PREP: variants seen among roughly 807,000 people sequenced by gnomAD.
The protein encoded by PREP is prolyl endopeptidase, also known as dJ355L5.1 (prolyl endopeptidase).
A neutral mutation model predicts 87.6 loss-of-function variants in PREP; 29 were observed. The observed-to-expected ratio is 0.33, with a 90% CI of 0.25 to 0.45. The LOEUF is 0.45. Among genes scored for constraint, PREP ranks in the 20% least tolerant of loss-of-function variants. The pLI is 1.00. For missense variants in PREP, 695 were observed against 886.5 expected (o/e 0.78, Z 2.74); for synonymous variants, 337 against 328.6 (o/e 1.03, Z -0.28).
chr6:105,376,621 CT>C (rs780138509), intron 3 of PREP, among the ~76,000 whole-genome samples: 2 of 152,162 alleles, frequency 1.3e-5, no homozygotes, highest in Non-Finnish European at 2.9e-5. Context: ...GTTCTTTTCC[CT>C]AGCAAGGCTG....
chr6:105,333,261 T>C, intron 8 of PREP, 53 bp downstream of exon 8: 1 of 1,523,018 alleles, frequency 6.6e-7, no homozygotes, highest in Non-Finnish European at 9.1e-7. Context: ...ACTAACTTGT[T>C]GATGTTCTCA....
chr6:105,389,045 G>A (rs947743419), intron 2 of PREP, among the ~76,000 whole-genome samples: 2 of 152,130 alleles, frequency 1.3e-5, no homozygotes, highest in South Asian at 2.1e-4. Context: ...AAGGAAAATC[G>A]ACTTAGTTTT....
intron 5 of PREP, among the ~76,000 whole-genome samples, 179 bp downstream of exon 5, chr6:105,373,190 C>T (rs548845073): frequency 2.6e-5 from 4 of 152,330 alleles, no homozygotes; most frequent in African/African-American, 9.6e-5. Context: ...GTTTATTATT[C>T]TAAGCTACTA....
intron 6 of PREP, 109 bp from the exon 7 acceptor site, chr6:105,353,186 T>A: frequency 2.5e-6 from 2 of 806,408 alleles, no homozygotes; most frequent in Non-Finnish European, 3.9e-6. Flanking sequence ...AGGCAGTGTC[T>A]CTGCCCCAAA....
intron 10 of PREP, among the ~76,000 whole-genome samples, chr6:105,289,483 A>G (rs937968110): frequency 9.9e-5 from 15 of 152,198 alleles, no homozygotes; most frequent in African/African-American, 3.4e-4. Context: ...AAAATCATAG[A>G]AATCCTATTA....
At chr6:105,357,520 C>G (rs981760386) in intron 6 of PREP, among the ~76,000 whole-genome samples, 2 of 152,198 alleles carry the variant, frequency 1.3e-5, no homozygotes, top group Non-Finnish European at 2.9e-5. Context: ...TCATCACAAT[C>G]TGGAGTTGCT....
At chr6:105,318,279 G>A (rs530251995) in intron 10 of PREP, among the ~76,000 whole-genome samples, 1 of 152,260 alleles carries the variant, frequency 6.6e-6, no homozygotes, top group South Asian at 2.1e-4. Context: ...GATAGAGGAT[G>A]CAAGTCACTT....
At chr6:105,352,449 G>C (rs1286768044) in intron 7 of PREP, among the ~76,000 whole-genome samples, 1 of 152,186 alleles carries the variant, frequency 6.6e-6, no homozygotes, top group African/African-American at 2.4e-5. Flanking sequence ...CCACTCTACT[G>C]ATTACGTTAA....
chr6:105,323,005 C>G (rs1050496526), intron 10 of PREP: 1 of 1,303,568 alleles, frequency 7.7e-7, no homozygotes, highest in South Asian at 1.2e-5. Flanking sequence ...TTGATAAACA[C>G]CTGGTGCCCT....
chr6:105,366,011 T>C (rs1344919141), intron 6 of PREP, among the ~76,000 whole-genome samples: 2 of 152,136 alleles, frequency 1.3e-5, no homozygotes, highest in Non-Finnish European at 1.5e-5. Context: ...TCCCAGCACT[T>C]TGGGAGGCTG....
intron 2 of PREP, among the ~76,000 whole-genome samples, chr6:105,393,186 T>C (rs1773201302): frequency 6.6e-6 from 1 of 152,236 alleles, no homozygotes; most frequent in East Asian, 1.9e-4. Flanking sequence ...AAAAGCTGCT[T>C]ATTACATTTC....
At chr6:105,347,472 G>A (rs1771829034) in intron 7 of PREP, among the ~76,000 whole-genome samples, 1 of 152,140 alleles carries the variant, frequency 6.6e-6, no homozygotes, top group African/African-American at 2.4e-5. Context: ...AGTAACCAAA[G>A]TTAAATTTTA....
At chr6:105,379,621 C>T (rs1772783260) in intron 2 of PREP, among the ~76,000 whole-genome samples, 1 of 152,170 alleles carries the variant, frequency 6.6e-6, no homozygotes, top group Admixed American at 6.5e-5. Context: ...TGAAGCAGAT[C>T]CACCCAGGAA....
At chr6:105,338,106 CA>C (rs1346370344) in intron 7 of PREP, among the ~76,000 whole-genome samples, 1 of 152,118 alleles carries the variant, frequency 6.6e-6, no homozygotes, top group African/African-American at 2.4e-5. Flanking sequence ...ATAATAAGAA[CA>C]ATGAAACAAT....
At chr6:105,358,627 T>A (rs1193899555) in intron 6 of PREP, among the ~76,000 whole-genome samples, 1 of 152,148 alleles carries the variant, frequency 6.6e-6, no homozygotes, top group Non-Finnish European at 1.5e-5. Flanking sequence ...GCTTCTTCTC[T>A]GGTGGCTGGC....
At chr6:105,361,122 C>T (rs1424747720) in intron 6 of PREP, among the ~76,000 whole-genome samples, 1 of 152,028 alleles carries the variant, frequency 6.6e-6, no homozygotes, top group Non-Finnish European at 1.5e-5. Flanking sequence ...AGTCTCAATA[C>T]CATATAATGC....
intron 6 of PREP, among the ~76,000 whole-genome samples, chr6:105,362,261 G>A (rs1772270296): frequency 1.3e-5 from 2 of 152,168 alleles, no homozygotes; most frequent in South Asian, 4.1e-4. Context: ...AGGAGTTCAG[G>A]ACCAGCCTGG....
Position 105,323,832 on chromosome 6 carries a change from T to C in PREP, c.1214-64A>G. The C allele has an allele frequency of 3.7e-6, 5 of 1,357,740 alleles. 1 individual carries two copies. The highest frequency in any genetic ancestry group is 2.3e-5 in the South Asian group (2 of 85,924). 84.1% of individuals were successfully genotyped at this position (1,357,740 alleles called of 1,614,324 possible). A position where few individuals can be genotyped will look rare whatever the true frequency, so the allele number is the denominator to read the frequency against. On this transcript the variant is annotated intron_variant, in intron 9 of 14. Coordinates refer to ENST00000652536, the MANE Select transcript of PREP (RefSeq NM_002726.5). ...TCACTAGATTCAAAGGGGGCAAGGA[T>C]CACAAACCACAACCAAATGCCAGCA...
chr6:105,316,379 C>T (rs1156357717), intron 10 of PREP, among the ~76,000 whole-genome samples: 1 of 152,182 alleles, frequency 6.6e-6, no homozygotes, highest in East Asian at 1.9e-4. Flanking sequence ...AAGTTCACCA[C>T]CTTCTATGAG....
Sources: allele counts gnomAD v4.1 joint callset (sites outside exome capture counted in the v4.1 genomes callset), GRCh38; gene constraint gnomAD v4.1.1; transcripts MANE v1.5; gene names NCBI Gene and HGNC (gene_info 2026-07-23, HGNC 2026-07-21).